The following ARB2A variants were observed in gnomAD, a reference collection of about 807,000 sequenced individuals.
ARB2A encodes the protein cotranscriptional regulator ARB2A.
At chr5:93,694,859 G>C in the ARB2A span, among the ~76,000 whole-genome samples, 1 of 152,118 alleles carries the variant, frequency 6.6e-6, no homozygotes, top group Non-Finnish European at 1.5e-5. Flanking sequence ...CAATGGAACA[G>C]AACAGAGGCC....
At chr5:94,094,073 G>C in the ARB2A span, among the ~76,000 whole-genome samples, 1 of 152,126 alleles carries the variant, frequency 6.6e-6, no homozygotes, top group African/African-American at 2.4e-5. Flanking sequence ...CAGTTCCAAA[G>C]CCACATGTAC....
chr5:93,764,791 C>T, the ARB2A span, among the ~76,000 whole-genome samples: 1 of 152,134 alleles, frequency 6.6e-6, no homozygotes, highest in Admixed American at 6.6e-5. Context: ...TGCAAAAATC[C>T]TCAATAAAAT....
the ARB2A span, among the ~76,000 whole-genome samples, chr5:93,707,724 G>A: frequency 1.3e-4 from 20 of 151,532 alleles, no homozygotes; most frequent in African/African-American, 3.9e-4. Flanking sequence ...ACAGATGCCC[G>A]CCCCCACGCC....
At chr5:93,909,929 A>G in the ARB2A span, among the ~76,000 whole-genome samples, 4 of 151,048 alleles carry the variant, frequency 2.6e-5, no homozygotes, top group Non-Finnish European at 4.5e-5. Context: ...ATACAAATTT[A>G]TTGTGATGAA....
chr5:94,005,993 A>C, the ARB2A span, among the ~76,000 whole-genome samples: 1 of 152,218 alleles, frequency 6.6e-6, no homozygotes, highest in African/African-American at 2.4e-5. Flanking sequence ...AAAAACTAAA[A>C]CATGCAACTA....
the ARB2A span, among the ~76,000 whole-genome samples, chr5:93,680,250 T>C: frequency 8.5e-5 from 13 of 152,246 alleles, no homozygotes; most frequent in African/African-American, 3.1e-4. Context: ...TAAAAACTCT[T>C]GTGTATTTAA....
chr5:94,024,575 A>G, the ARB2A span, among the ~76,000 whole-genome samples: 1 of 151,838 alleles, frequency 6.6e-6, no homozygotes, highest in Non-Finnish European at 1.5e-5. Context: ...CCACCCCACC[A>G]CCACACACCT....
the ARB2A span, among the ~76,000 whole-genome samples, chr5:94,056,275 T>TA: frequency 6.6e-6 from 1 of 152,214 alleles, no homozygotes; most frequent in Non-Finnish European, 1.5e-5. Flanking sequence ...CTTTGAATGA[T>TA]AAAACGAACA....
the ARB2A span, among the ~76,000 whole-genome samples, chr5:93,811,248 T>C: frequency 2.0e-5 from 3 of 152,136 alleles, no homozygotes; most frequent in African/African-American, 7.2e-5. Context: ...ACTTTCCAGA[T>C]CCTCATCAAG....
chr5:94,059,618 CAAAAAA>C, the ARB2A span, among the ~76,000 whole-genome samples: 1 of 62,776 alleles, frequency 1.6e-5, no homozygotes. Flanking sequence ...GAGACTGTCT[CAAAAAA>C]AAAAAAAAAA....
the ARB2A span, among the ~76,000 whole-genome samples, chr5:94,056,120 C>G: frequency 6.6e-6 from 1 of 152,154 alleles, no homozygotes; most frequent in Non-Finnish European, 1.5e-5. Context: ...TCCCTAAAAG[C>G]CAAAGTCAGC....
the ARB2A span, among the ~76,000 whole-genome samples, chr5:94,021,831 G>A: frequency 7.2e-5 from 11 of 152,242 alleles, no homozygotes; most frequent in East Asian, 3.9e-4. Flanking sequence ...CAGTACCTTC[G>A]GAGGCTGAGA....
chr5:93,829,652 C>CTTGT, the ARB2A span, among the ~76,000 whole-genome samples: 5 of 152,228 alleles, frequency 3.3e-5, no homozygotes, highest in African/African-American at 1.2e-4. Context: ...TACCTACAAC[C>CTTGT]TTGTAGTCAT....
At chr5:93,795,956 C>T in the ARB2A span, among the ~76,000 whole-genome samples, 1 of 151,842 alleles carries the variant, frequency 6.6e-6, no homozygotes, top group Non-Finnish European at 1.5e-5. Flanking sequence ...TCAGATAAAG[C>T]AAGTTATACC....
At chr5:93,781,849 ATACT>A in the ARB2A span, 12 of 982,014 alleles carry the variant, frequency 1.2e-5, no homozygotes, top group Non-Finnish European at 1.5e-5. Flanking sequence ...ATACTTAAAC[ATACT>A]TACAAAACAA....
the ARB2A span, chr5:93,784,530 C>A: frequency 6.4e-7 from 1 of 1,563,628 alleles, no homozygotes. Flanking sequence ...AAAATATTGG[C>A]TATAATTGTT....
chr5:94,080,256 ACTCTAATTC>A, the ARB2A span, among the ~76,000 whole-genome samples: 4 of 152,216 alleles, frequency 2.6e-5, no homozygotes, highest in South Asian at 8.3e-4. Flanking sequence ...TACTTAAGAG[ACTCTAATTC>A]TATAGTAAAA....
At chr5:93,980,651 T>C in the ARB2A span, among the ~76,000 whole-genome samples, 1 of 152,172 alleles carries the variant, frequency 6.6e-6, no homozygotes, top group Non-Finnish European at 1.5e-5. Context: ...AGCTATATAC[T>C]AAGTAATTTT....
At chr5:93,987,542 C>A in the ARB2A span, among the ~76,000 whole-genome samples, 4 of 152,074 alleles carry the variant, frequency 2.6e-5, no homozygotes, top group East Asian at 5.8e-4. Context: ...CCCTTTAAAC[C>A]TCTTATACTT....
Sources: allele counts gnomAD v4.1 joint callset (sites outside exome capture counted in the v4.1 genomes callset), GRCh38; gene constraint gnomAD v4.1.1; transcripts MANE v1.5; gene names NCBI Gene and HGNC (gene_info 2026-07-23, HGNC 2026-07-21).